The following CTNNA2 variants were observed in gnomAD, a reference collection of about 807,000 sequenced individuals.
CTNNA2 encodes the protein catenin alpha 2.
CTNNA2 carries 42 observed loss-of-function variants against 101.0 expected under a neutral mutation model. The observed-to-expected ratio is 0.42, with a 90% CI of 0.32 to 0.54. CTNNA2 has a LOEUF of 0.54. CTNNA2 is among the 20% of genes least tolerant of loss of function. The probability of loss-of-function intolerance (pLI) is 0.14; values close to 1 mark genes in which losing one functional copy is unlikely to be tolerated. For missense variants in CTNNA2, 871 were observed against 1,223.1 expected (o/e 0.71, Z 4.29); for synonymous variants, 450 against 456.4 (o/e 0.99, Z 0.18).
chr2:80,177,704 T>C (rs1573310186), intron 7 of CTNNA2, among the ~76,000 whole-genome samples: 1 of 152,352 alleles, frequency 6.6e-6, no homozygotes, highest in East Asian at 1.9e-4. Flanking sequence ...AACACGCACA[T>C]GAGATACAAA....
chr2:80,324,874 T>A (rs769671445), intron 7 of CTNNA2, among the ~76,000 whole-genome samples: 1 of 152,178 alleles, frequency 6.6e-6, no homozygotes, highest in Non-Finnish European at 1.5e-5. Flanking sequence ...CACTCAAGTT[T>A]CAATTTAGAA....
chr2:80,374,130 C>T lies in CTNNA2; in HGVS notation c.1057-19081C>T, dbSNP rs143690175. 7.0e-4 allele frequency among the ~76,000 whole-genome samples: 106 copies of T among 152,020 alleles called. 1 individual carries two copies. The highest frequency in any genetic ancestry group is 2.3e-3 in the African/African-American group (96 of 41,468). The stretch of plus-strand genomic sequence containing the variant: ...GGTACAGGTTTGTTATATTGATGGA[C>T]TGTATGATGCTGAAGTTCGAGGTGC... On this transcript the variant is annotated intron_variant, in intron 7 of 18. Transcript: ENST00000402739.
At position 79,695,037 on chromosome 2, in the gene CTNNA2, T is replaced by TG. The variant is rs1553452572; in HGVS notation, c.102+43383dup. ...ACCAAGCCTTACATTTTTTTTTTTTTGGGGTATTATGTGAAAAGAAATCTT... is the reference window on the plus strand; with the variant it reads ...ACCAAGCCTTACATTTTTTTTTTTTTGGGGGTATTATGTGAAAAGAAATCTT... On this transcript the variant is annotated intron_variant, in intron 2 of 18. Transcript: ENST00000402739. Among the ~76,000 whole-genome samples the TG allele has an allele frequency of 6.6e-4, 100 of 151,162 alleles. 1 individual carries two copies. The highest frequency in any genetic ancestry group is 2.5e-3 in the Admixed American group (37 of 15,064).
rs866726256 is a variant in CTNNA2 at position 80,166,443 on chromosome 2, G to A, written c.1057-226768G>A. On this transcript the variant is annotated intron_variant, in intron 7 of 18. Coordinates refer to ENST00000402739, the MANE Select transcript of CTNNA2 (RefSeq NM_001282597.3). ...AAGGGATGGGGTCAGAGAGCTGCTG[G>A]GTTGCTGAACACATGGAGGGGTTGG... Among the ~76,000 whole-genome samples, 26 of 152,242 alleles carry A rather than the reference G, an allele frequency of 1.7e-4. 1 individual carries two copies. In the South Asian group the frequency reaches 5.4e-3, roughly 32 times the overall value.
intron 7 of CTNNA2, among the ~76,000 whole-genome samples, chr2:80,024,222 A>G (rs956314388): frequency 2.6e-5 from 4 of 152,180 alleles, no homozygotes; most frequent in Non-Finnish European, 5.9e-5. Context: ...TGTGATAGAG[A>G]ATAGAACAAT....
chr2:79,312,035 TG>T (rs1302760352), intron 2 of CTNNA2, among the ~76,000 whole-genome samples: 3 of 151,956 alleles, frequency 2.0e-5, no homozygotes, highest in Non-Finnish European at 1.5e-5. Flanking sequence ...CTTGAGTAGC[TG>T]GGACAACAGG....
At chr2:79,538,846 G>T (rs1341111144) in intron 1 of CTNNA2, among the ~76,000 whole-genome samples, 1 of 152,180 alleles carries the variant, frequency 6.6e-6, no homozygotes, top group African/African-American at 2.4e-5. Flanking sequence ...AGCATGACAT[G>T]ATGACTGTGC....
rs189380391 is a variant in CTNNA2 at position 79,868,629 on chromosome 2, G to T, written c.466-1187G>T. On this transcript the variant is annotated intron_variant, in intron 4 of 18. Transcript: ENST00000402739. ...TTGTGTTTCCGAATTGTCAAACAAT[G>T]CACTGTCTATATAATGCCCTTTAAT... 4.8e-3 allele frequency among the ~76,000 whole-genome samples: 735 copies of T among 152,306 alleles called. 2 individuals are homozygous for T. Among genetic ancestry groups the T allele is most frequent in the Non-Finnish European group, 7.0e-3 (474 of 68,018 alleles).
intron 6 of CTNNA2, among the ~76,000 whole-genome samples, chr2:79,903,761 C>G (rs562032234): frequency 6.6e-6 from 1 of 152,246 alleles, no homozygotes. Context: ...CCCAGTCAGG[C>G]CAGTGGGGAG....
In CTNNA2 at chr2:80,020,473, CT is replaced by C. The variant is rs34716712; in HGVS notation, c.1056+110683del. Reference sequence around the variant, plus strand: ...TCATTTTGCAAGTCCCAAAATGATGCTTTTTTTCAGTGCACCCAGAAATGAT... The same window carrying C: ...TCATTTTGCAAGTCCCAAAATGATGCTTTTTTCAGTGCACCCAGAAATGAT... On this transcript the variant is annotated intron_variant, in intron 7 of 18. Coordinates refer to ENST00000402739, the MANE Select transcript of CTNNA2 (RefSeq NM_001282597.3). 4.1e-4 allele frequency among the ~76,000 whole-genome samples: 62 copies of C among 152,164 alleles called. No individual in the cohort carries two copies. In the South Asian group the frequency reaches 6.4e-3, roughly 16 times the overall value.
chr2:79,829,320 C>T (rs902505229), intron 3 of CTNNA2, among the ~76,000 whole-genome samples: 15 of 149,006 alleles, frequency 1.0e-4, no homozygotes, highest in Non-Finnish European at 1.5e-5. Flanking sequence ...AGTTGGAGAC[C>T]AGCCTGGCTA....
chr2:80,371,715 G>A (rs1675460369), intron 7 of CTNNA2, among the ~76,000 whole-genome samples: 1 of 152,138 alleles, frequency 6.6e-6, no homozygotes, highest in Admixed American at 6.5e-5. Context: ...ACGTGAAAGA[G>A]CCTAGAGGCA....
At chr2:80,338,387 G>A (rs1014986480) in intron 7 of CTNNA2, among the ~76,000 whole-genome samples, 4 of 151,668 alleles carry the variant, frequency 2.6e-5, no homozygotes, top group Non-Finnish European at 5.9e-5. Context: ...TCTTTCTGTG[G>A]GAACTCCAGA....
At chr2:79,383,658 C>T (rs936495643) in intron 4 of CTNNA2, among the ~76,000 whole-genome samples, 5 of 152,120 alleles carry the variant, frequency 3.3e-5, no homozygotes, top group Admixed American at 6.5e-5. Flanking sequence ...ATCTTGATGC[C>T]GAGCCCTAGG....
At chr2:79,584,146 T>C (rs745372151) in intron 1 of CTNNA2, among the ~76,000 whole-genome samples, 1 of 152,166 alleles carries the variant, frequency 6.6e-6, no homozygotes, top group Non-Finnish European at 1.5e-5. Flanking sequence ...GATTATTTCA[T>C]TGGGTGCTAC....
intron 3 of CTNNA2, among the ~76,000 whole-genome samples, chr2:79,783,299 G>A (rs1362320593): frequency 1.3e-5 from 2 of 152,096 alleles, no homozygotes; most frequent in Non-Finnish European, 2.9e-5. Context: ...TCAACCAATG[G>A]CAATAAATAA....
intron 2 of CTNNA2, among the ~76,000 whole-genome samples, chr2:79,681,251 C>T (rs903349202): frequency 2.6e-5 from 4 of 152,278 alleles, no homozygotes; most frequent in South Asian, 4.1e-4. Flanking sequence ...TTTCTCCTGT[C>T]CCCTGATCCA....
At chr2:79,722,202 A>G (rs1686531354) in intron 2 of CTNNA2, among the ~76,000 whole-genome samples, 1 of 152,210 alleles carries the variant, frequency 6.6e-6, no homozygotes, top group Admixed American at 6.5e-5. Context: ...GATGAGCAAC[A>G]TAGGCATGGG....
chr2:80,012,228 T>A (rs1178917837), intron 7 of CTNNA2, among the ~76,000 whole-genome samples: 1 of 152,158 alleles, frequency 6.6e-6, no homozygotes, highest in Non-Finnish European at 1.5e-5. Flanking sequence ...GAGGGTTCGA[T>A]GGCTGTAATG....
Sources: gnomAD v4.1 joint callset for allele counts (sites outside exome capture counted in the v4.1 genomes callset) on GRCh38, gnomAD v4.1.1 for gene constraint, MANE v1.5 for transcripts, NCBI Gene and HGNC (gene_info 2026-07-23, HGNC 2026-07-21) for gene names.